HPSE2: variants seen among roughly 807,000 people sequenced by gnomAD.
HPSE2 encodes inactive heparanase-2.
Under a neutral mutation model 60.5 loss-of-function variants are expected in HPSE2, and 38 were observed. That is an observed-to-expected ratio of 0.63 (90% CI 0.48 to 0.82). HPSE2 has a LOEUF of 0.82. Ranked by LOEUF, HPSE2 falls within the 40% of genes least tolerant of loss-of-function variation. HPSE2 has a pLI of 0.00. For synonymous variants in HPSE2, 295 were observed against 293.2 expected, an observed-to-expected ratio of 1.01 and a Z score of -0.06; for missense variants, 713 against 740.4, an observed-to-expected ratio of 0.96 and a Z score of 0.43.
chr10:99,075,156 GA>G (rs1842916863), intron 3 of HPSE2, among the ~76,000 whole-genome samples: 1 of 151,896 alleles, frequency 6.6e-6, no homozygotes, highest in South Asian at 2.1e-4. Context: ...TTTTAATACA[GA>G]CATTTATCAC....
At chr10:99,297,413 A>G in the HPSE2 span, among the ~76,000 whole-genome samples, 3 of 152,204 alleles carry the variant, frequency 2.0e-5, no homozygotes, top group African/African-American at 4.8e-5. Context: ...ACACTCCCAT[A>G]GTATCAGGAG....
At chr10:98,542,459 T>G (rs1455452198) in intron 9 of HPSE2, among the ~76,000 whole-genome samples, 6 of 151,198 alleles carry the variant, frequency 4.0e-5, no homozygotes, top group African/African-American at 1.2e-4. Context: ...TCACCAGCAA[T>G]GGAACAAAGC....
chr10:98,690,677 GGTT>G (rs1463453947), intron 6 of HPSE2, among the ~76,000 whole-genome samples: 1 of 151,424 alleles, frequency 6.6e-6, no homozygotes, highest in Non-Finnish European at 1.5e-5. Flanking sequence ...ATAAGCCAGT[GGTT>G]TTTTTTTTAA....
At chr10:99,131,831 G>T (rs1205117959) in intron 3 of HPSE2, among the ~76,000 whole-genome samples, 1 of 152,036 alleles carries the variant, frequency 6.6e-6, no homozygotes, top group Non-Finnish European at 1.5e-5. Context: ...ACAACTAAAG[G>T]CCGGGTACAG....
intron 3 of HPSE2, among the ~76,000 whole-genome samples, chr10:99,078,349 G>A (rs1221719610): frequency 2.0e-5 from 3 of 152,194 alleles, no homozygotes; most frequent in East Asian, 3.9e-4. Context: ...CAAAATCCAT[G>A]GATGCTCAAG....
the HPSE2 span, among the ~76,000 whole-genome samples, chr10:99,259,299 C>T: frequency 1.1e-5 from 1 of 88,042 alleles, no homozygotes; most frequent in Non-Finnish European, 2.4e-5. Context: ...AGAGCAAAAC[C>T]CCCCCCACCA....
chr10:99,153,946 G>A (rs1433214955), intron 2 of HPSE2, among the ~76,000 whole-genome samples: 7 of 151,986 alleles, frequency 4.6e-5, no homozygotes, highest in Non-Finnish European at 1.0e-4. Context: ...CGAGAACTAC[G>A]TGAAGAATGC....
chr10:99,170,882 G>C (rs1430441453), intron 2 of HPSE2, among the ~76,000 whole-genome samples: 1 of 152,136 alleles, frequency 6.6e-6, no homozygotes, highest in East Asian at 1.9e-4. Context: ...TACAGGTACA[G>C]ACTTTTTCTT....
At chr10:99,245,348 G>T in the HPSE2 span, among the ~76,000 whole-genome samples, 1 of 152,122 alleles carries the variant, frequency 6.6e-6, no homozygotes. Flanking sequence ...AGATGACAAA[G>T]GATACCACAT....
chr10:98,574,626 C>T (rs1944591584), intron 9 of HPSE2, among the ~76,000 whole-genome samples: 1 of 152,106 alleles, frequency 6.6e-6, no homozygotes, highest in South Asian at 2.1e-4. Context: ...CAGAAAAACT[C>T]CCTGGATAAG....
At position 98,767,527 on chromosome 10, in the gene HPSE2, CTATA is replaced by C. The variant is rs199996140; in HGVS notation, c.611-23475_611-23472del. ...TGTTATGCATATTGCACTATATATA[CTATA>C]TATATTATACTGTATATACATATAT... On this transcript the variant is annotated intron_variant, in intron 3 of 11. Coordinates refer to ENST00000370552, the MANE Select transcript of HPSE2 (RefSeq NM_021828.5). Among the ~76,000 whole-genome samples the C allele has an allele frequency of 7.8e-3, 1,142 of 146,506 alleles. 8 individuals carry two copies. Among genetic ancestry groups the C allele is most frequent in the South Asian group, 0.027 (128 of 4,700 alleles).
rs202104282 is a variant in HPSE2, at chr10:99,203,140, C to A, written c.448+29208G>T. Among the ~76,000 whole-genome samples the A allele has an allele frequency of 1.1e-4, 17 of 152,138 alleles. No individual in the cohort carries two copies. In the East Asian group the frequency reaches 2.7e-3, roughly 24 times the overall value. On this transcript the variant is annotated intron_variant, in intron 2 of 11. Coordinates refer to ENST00000370552, the MANE Select transcript of HPSE2 (RefSeq NM_021828.5). ...CATCCCACCACGAGGATGACCCCAG[C>A]AGTCCCAGGCTTCAGACCAGCCTCA...
the HPSE2 span, among the ~76,000 whole-genome samples, chr10:99,301,538 G>A: frequency 5.3e-5 from 8 of 152,318 alleles, no homozygotes; most frequent in African/African-American, 1.7e-4. Context: ...GGAACTGTAA[G>A]TCCAATTAAA....
the HPSE2 span, among the ~76,000 whole-genome samples, chr10:99,294,402 AAATATATAATATATACATAT>A: frequency 6.8e-4 from 100 of 146,720 alleles, no homozygotes; most frequent in African/African-American, 1.4e-3. Context: ...TATAATATAT[AAATATATAATATATACATAT>A]AATATATAAT....
intron 9 of HPSE2, among the ~76,000 whole-genome samples, chr10:98,595,332 G>A (rs1460203652): frequency 6.6e-6 from 1 of 151,758 alleles, no homozygotes; most frequent in African/African-American, 2.4e-5. Flanking sequence ...ACCACACCTG[G>A]CAAATTTTTT....
chr10:98,761,706 C>A (rs1052390119), intron 3 of HPSE2, among the ~76,000 whole-genome samples: 4 of 152,060 alleles, frequency 2.6e-5, no homozygotes, highest in African/African-American at 9.7e-5. Context: ...ATGGCAATGA[C>A]CTAAGAACTC....
the HPSE2 span, among the ~76,000 whole-genome samples, chr10:99,277,591 C>T: frequency 2.6e-5 from 4 of 152,106 alleles, no homozygotes; most frequent in South Asian, 2.1e-4. Flanking sequence ...GATCCCCTCC[C>T]GACCCTCCAT....
At chr10:98,524,759 G>A (rs1942909557) in intron 9 of HPSE2, among the ~76,000 whole-genome samples, 1 of 152,158 alleles carries the variant, frequency 6.6e-6, no homozygotes, top group Non-Finnish European at 1.5e-5. Context: ...ACATATGTGT[G>A]TATTATACAA....
At chr10:98,579,243 C>T (rs1444716686) in intron 9 of HPSE2, among the ~76,000 whole-genome samples, 2 of 152,186 alleles carry the variant, frequency 1.3e-5, no homozygotes, top group Non-Finnish European at 1.5e-5. Context: ...CACTACTGGA[C>T]AGCATTCAGG....
Sources: allele counts gnomAD v4.1 joint callset (sites outside exome capture counted in the v4.1 genomes callset), GRCh38; gene constraint gnomAD v4.1.1; transcripts MANE v1.5; gene names NCBI Gene and HGNC (gene_info 2026-07-23, HGNC 2026-07-21).